The following WASL variants were observed in gnomAD, a reference collection of about 807,000 sequenced individuals.
WASL encodes actin nucleation-promoting factor WASL.
In WASL, 20 loss-of-function variants were observed where a neutral mutation model predicts 55.5. That is an observed-to-expected ratio of 0.36 (90% CI 0.25 to 0.52). The LOEUF (loss-of-function observed/expected upper bound fraction) is 0.52. Ranked by LOEUF, WASL falls within the 20% of genes least tolerant of loss-of-function variation. WASL has a pLI of 0.92. For missense variants in WASL, 504 were observed against 622.5 expected (o/e 0.81, Z 2.03); for synonymous variants, 249 against 217.6 (o/e 1.14, Z -1.27).
chr7:123,731,557 C>T (rs1804136765), intron 1 of WASL, among the ~76,000 whole-genome samples: 1 of 151,958 alleles, frequency 6.6e-6, no homozygotes, highest in African/African-American at 2.4e-5. Flanking sequence ...CATTTTGGGC[C>T]ATAAAACACA....
chr7:123,747,942 T>G, intron 1 of WASL, among the ~76,000 whole-genome samples: 1 of 151,630 alleles, frequency 6.6e-6, no homozygotes, highest in East Asian at 1.9e-4. Context: ...TCCCTGCGCA[T>G]GGCTGCGGGG....
chr7:123,731,393 G>A (rs1303686702), intron 1 of WASL, among the ~76,000 whole-genome samples: 1 of 152,118 alleles, frequency 6.6e-6, no homozygotes, highest in African/African-American at 2.4e-5. Flanking sequence ...CTCTATCAGT[G>A]ATTGACAAGT....
Position 123,683,706 on chromosome 7 carries a change from G to A in WASL, c.*813C>T, listed in dbSNP as rs1442546643. 2 of 151,918 alleles carry A rather than the reference G, an allele frequency of 1.3e-5. No homozygotes were observed. Among genetic ancestry groups the A allele is most frequent in the Non-Finnish European group, 1.5e-5 (1 of 67,928 alleles). The allele number at this position is 151,918 out of a possible 1,614,324, so 9.4% of individuals were successfully genotyped here. ...AATATTACCTCAGTTCATGTAGAAT[G>A]AAAACTACTCCCTAAATCCCTGAAA... On this transcript the variant is annotated 3_prime_UTR_variant, in exon 11 of 11. Transcript: ENST00000223023.
At chr7:123,728,182 C>T (rs529045025) in intron 1 of WASL, among the ~76,000 whole-genome samples, 1 of 151,900 alleles carries the variant, frequency 6.6e-6, no homozygotes, top group African/African-American at 2.4e-5. Context: ...GAATGAAATA[C>T]AAAAAAATAA....
intron 8 of WASL, among the ~76,000 whole-genome samples, chr7:123,693,972 T>G (rs1322339352): frequency 6.6e-6 from 1 of 152,184 alleles, no homozygotes; most frequent in East Asian, 1.9e-4. Context: ...AAATGAACAC[T>G]GGCAATGAAA....
At chr7:123,696,820 T>A (rs1373345927) in intron 5 of WASL, 73 bp from the exon 6 acceptor site, 2 of 1,060,116 alleles carry the variant, frequency 1.9e-6, no homozygotes, top group Non-Finnish European at 2.5e-6. Flanking sequence ...ATTTACAATT[T>A]AAATACTTTT....
At chr7:123,728,632 G>A (rs1804090104) in intron 1 of WASL, among the ~76,000 whole-genome samples, 1 of 152,134 alleles carries the variant, frequency 6.6e-6, no homozygotes, top group Non-Finnish European at 1.5e-5. Flanking sequence ...ACGAGGTCAG[G>A]AGTTCAAGAC....
chr7:123,748,948 A>G lies in WASL; in HGVS notation c.-214T>C. 3 of 557,442 alleles carry G rather than the reference A, an allele frequency of 5.4e-6. No homozygotes were observed. The highest frequency in any genetic ancestry group is 9.5e-6 in the Non-Finnish European group (3 of 316,702). 34.5% of individuals were successfully genotyped at this position (557,442 alleles called of 1,614,324 possible). On this transcript the variant is annotated 5_prime_UTR_variant, in exon 1 of 11. Coordinates refer to ENST00000223023, the MANE Select transcript of WASL (RefSeq NM_003941.4). ...GCGCTGAGAAAGGGAAGCTCCCGGCACCCGCCCGGCCAGGCTAGGGCCGGA... is the reference window on the plus strand; with the variant it reads ...GCGCTGAGAAAGGGAAGCTCCCGGCGCCCGCCCGGCCAGGCTAGGGCCGGA...
chr7:123,692,662 A>G lies in WASL; in HGVS notation c.1032T>C (p.Pro344=). The G allele has an allele frequency of 6.4e-7, 1 of 1,559,620 alleles. No homozygotes were observed. The highest frequency in any genetic ancestry group is 8.6e-7 in the Non-Finnish European group (1 of 1,156,950). The change falls in exon 9 of 11, where the codon CCT becomes CCC. Residue 344 remains proline, a synonymous_variant. Transcript: ENST00000223023. ...VPPPPPNRMY[P]PPPPALPSSA... ...AGGAGGGAAGGGCTGGAGGTGGAGGAGGGTACATCCTATTTGGCGGTGGTG... is the reference window on the plus strand; with the variant it reads ...AGGAGGGAAGGGCTGGAGGTGGAGGGGGGTACATCCTATTTGGCGGTGGTG...
chr7:123,689,783 G>A (rs916081835), intron 9 of WASL, among the ~76,000 whole-genome samples: 2 of 148,890 alleles, frequency 1.3e-5, no homozygotes, highest in African/African-American at 4.9e-5. Flanking sequence ...GTGCATTCAT[G>A]AAAAAAAAAA....
intron 6 of WASL, 67 bp from the exon 7 acceptor site, chr7:123,695,932 T>C (rs1048963158): frequency 4.7e-6 from 7 of 1,485,648 alleles, no homozygotes; most frequent in African/African-American, 4.2e-5. Flanking sequence ...ACACAATATA[T>C]ATGAAACCCA....
rs57689089 is a variant in WASL at position 123,697,348 on chromosome 7, T to C, written c.461-601A>G. Among the ~76,000 whole-genome samples the C allele has an allele frequency of 5.7e-3, 872 of 152,306 alleles. 10 individuals are homozygous for C. Among genetic ancestry groups the C allele is most frequent in the African/African-American group, 0.02 (837 of 41,572 alleles). On this transcript the variant is annotated intron_variant, in intron 5 of 10. Coordinates refer to ENST00000223023, the MANE Select transcript of WASL (RefSeq NM_003941.4). Reference sequence around the variant, plus strand: ...TAAAACACAAAAATTCTTAAAGCACTCATCTTGTGCAAGAATCAACAGTAA... The same window carrying C: ...TAAAACACAAAAATTCTTAAAGCACCCATCTTGTGCAAGAATCAACAGTAA...
chr7:123,695,362 AT>A (rs1201304373), intron 7 of WASL, among the ~76,000 whole-genome samples: 1 of 152,174 alleles, frequency 6.6e-6, no homozygotes, highest in Non-Finnish European at 1.5e-5. Context: ...TCTCTTTAAA[AT>A]AATGCATCCA....
chr7:123,706,591 CAT>C (rs1451940442), intron 3 of WASL, 147 bp downstream of exon 3: 2 of 746,382 alleles, frequency 2.7e-6, no homozygotes, highest in South Asian at 1.9e-5. Context: ...ACAGCAGACA[CAT>C]ATACTAATTT....
chr7:123,697,773 G>A lies in WASL; in HGVS notation c.461-1026C>T, dbSNP rs532515815. On this transcript the variant is annotated intron_variant, in intron 5 of 10. Coordinates refer to ENST00000223023, the MANE Select transcript of WASL (RefSeq NM_003941.4). Reference sequence around the variant, plus strand: ...GACCACTTGGGAAGTTGGATTTCAAGAGGGTTCCCACTATTCCCTGACAAG... The same window carrying A: ...GACCACTTGGGAAGTTGGATTTCAAAAGGGTTCCCACTATTCCCTGACAAG... Among the ~76,000 whole-genome samples, 15 of 152,374 alleles carry A rather than the reference G, an allele frequency of 9.8e-5. No homozygotes were observed. The East Asian group carries it at 2.7e-3, about 27-fold the overall frequency.
At chr7:123,715,493 G>A (rs1803826507) in intron 1 of WASL, among the ~76,000 whole-genome samples, 1 of 152,216 alleles carries the variant, frequency 6.6e-6, no homozygotes, top group Non-Finnish European at 1.5e-5. Flanking sequence ...GATAACAGAT[G>A]TAGGGGATTG....
chr7:123,728,480 T>C (rs904916972), intron 1 of WASL, among the ~76,000 whole-genome samples: 3 of 152,192 alleles, frequency 2.0e-5, no homozygotes, highest in Admixed American at 6.5e-5. Flanking sequence ...CTCTAGGAAA[T>C]TGCTGATTCC....
chr7:123,710,198 A>G (rs1479005330), intron 1 of WASL, among the ~76,000 whole-genome samples: 1 of 152,072 alleles, frequency 6.6e-6, no homozygotes, highest in Non-Finnish European at 1.5e-5. Flanking sequence ...GAAAGCCATA[A>G]TTATGTTTTC....
At chr7:123,720,719 T>G (rs1038985470) in intron 1 of WASL, among the ~76,000 whole-genome samples, 2 of 151,332 alleles carry the variant, frequency 1.3e-5, no homozygotes, top group African/African-American at 4.9e-5. Flanking sequence ...GGCACAATCT[T>G]GGCTCACTGC....
Sources: gnomAD v4.1 joint callset for allele counts (sites outside exome capture counted in the v4.1 genomes callset) on GRCh38, gnomAD v4.1.1 for gene constraint, MANE v1.5 for transcripts, NCBI Gene and HGNC (gene_info 2026-07-23, HGNC 2026-07-21) for gene names.